Variants in MTHFD2L observed in about 807,000 individuals in gnomAD.
The protein encoded by MTHFD2L is bifunctional methylenetetrahydrofolate dehydrogenase/cyclohydrolase 2, mitochondrial.
In MTHFD2L, 29 loss-of-function variants were observed where a neutral mutation model predicts 34.9. That is an observed-to-expected ratio of 0.83 (90% CI 0.62 to 1.13). The LOEUF is 1.13. MTHFD2L is among the 50% of genes most tolerant of loss of function. MTHFD2L has a pLI of 0.00. For synonymous variants in MTHFD2L, 167 were observed against 155.7 expected (o/e 1.07, Z -0.54); for missense variants, 481 against 446.5 (o/e 1.08, Z -0.70).
chr4:74,301,533 G>A lies in MTHFD2L; in HGVS notation c.932-164G>A, dbSNP rs569177931. ...AGTATTCGTCTAAGTGAGTGTGAGC[G>A]TGTGTGTGTGTGTGTGTGTGTGTGT... On this transcript the variant is annotated intron_variant, in intron 7 of 7. Coordinates refer to ENST00000325278, the MANE Select transcript of MTHFD2L (RefSeq NM_001144978.3). Among the ~76,000 whole-genome samples, 81 of 112,324 alleles carry A rather than the reference G, an allele frequency of 7.2e-4. No homozygotes were observed. In the Middle Eastern group the frequency reaches 0.012, roughly 17 times the overall value. The allele number at this position is 112,324 out of a possible 152,430, so 73.7% of individuals were successfully genotyped here.
At chr4:74,272,992 T>A (rs1188935352) in intron 6 of MTHFD2L, among the ~76,000 whole-genome samples, 1 of 152,178 alleles carries the variant, frequency 6.6e-6, no homozygotes, top group Non-Finnish European at 1.5e-5. Flanking sequence ...AATCTACAGC[T>A]TGCAAAATCC....
chr4:74,164,686 A>T (rs1443909339), intron 1 of MTHFD2L, among the ~76,000 whole-genome samples: 1 of 152,218 alleles, frequency 6.6e-6, no homozygotes, highest in Non-Finnish European at 1.5e-5. Context: ...CCGTTGAGAG[A>T]AGCTAAGTGA....
At chr4:74,267,949 G>T in intron 6 of MTHFD2L, 3 of 985,202 alleles carry the variant, frequency 3.0e-6, no homozygotes, top group Non-Finnish European at 3.6e-6. Context: ...GCACCATCCT[G>T]GTACCACAAG....
rs999098839 is a variant in MTHFD2L, at chr4:74,152,177, T to C, written c.-296-7878T>C. On this transcript the variant is annotated intron_variant, in intron 1 of 7. Transcript: ENST00000433372. Reference sequence around the variant, plus strand: ...TATATTGTTCAATAGTTTTCTTTTTTTGTATTCTTTTAAATTGGGTTTGAA... The same window carrying C: ...TATATTGTTCAATAGTTTTCTTTTTCTGTATTCTTTTAAATTGGGTTTGAA... Among the ~76,000 whole-genome samples the C allele has an allele frequency of 7.2e-5, 11 of 152,070 alleles. 1 individual carries two copies. Among genetic ancestry groups the C allele is most frequent in the Admixed American group, 6.5e-4 (10 of 15,270 alleles).
intron 6 of MTHFD2L, among the ~76,000 whole-genome samples, chr4:74,228,923 A>T (rs1188915018): frequency 6.6e-6 from 1 of 152,176 alleles, no homozygotes; most frequent in Non-Finnish European, 1.5e-5. Context: ...CAGCTACTTC[A>T]GATGTAGCCA....
In MTHFD2L at chr4:74,276,217, T is replaced by G. The variant is rs559785349; in HGVS notation, c.806-5208T>G. On this transcript the variant is annotated intron_variant, in intron 6 of 7. Coordinates refer to ENST00000325278, the MANE Select transcript of MTHFD2L (RefSeq NM_001144978.3). ...TACTGAAACATCAAAAGATTTGATA[T>G]TCATTAAATGAGTTTTTCTTAAGTT... Among the ~76,000 whole-genome samples, 4 of 152,300 alleles carry G rather than the reference T, an allele frequency of 2.6e-5. No homozygotes were observed. The South Asian group carries it at 8.3e-4, about 32-fold the overall frequency.
intron 3 of MTHFD2L, among the ~76,000 whole-genome samples, chr4:74,178,318 CAT>C (rs1052245562): frequency 6.6e-6 from 1 of 152,070 alleles, no homozygotes; most frequent in Non-Finnish European, 1.5e-5. Context: ...GTACACCACA[CAT>C]ATCTACAAAT....
At chr4:74,123,789 C>A (rs151201517), upstream of MTHFD2L, among the ~76,000 whole-genome samples, 1 of 152,040 alleles carries the variant, frequency 6.6e-6, no homozygotes, top group East Asian at 1.9e-4. Context: ...GTTTTTCTTC[C>A]GACTTTAAAG....
intron 1 of MTHFD2L, among the ~76,000 whole-genome samples, chr4:74,128,095 T>A (rs537168825): frequency 6.6e-6 from 1 of 152,232 alleles, no homozygotes; most frequent in Admixed American, 6.5e-5. Flanking sequence ...AAAATCAGAT[T>A]ATTTTGTTTT....
At chr4:74,148,498 C>T (rs1482951627) in intron 1 of MTHFD2L, among the ~76,000 whole-genome samples, 2 of 151,882 alleles carry the variant, frequency 1.3e-5, no homozygotes, top group African/African-American at 4.8e-5. Context: ...AGTGATTCTC[C>T]TGTCTCAGTC....
intron 1 of MTHFD2L, among the ~76,000 whole-genome samples, chr4:74,168,170 A>G (rs540241218): frequency 1.3e-5 from 2 of 152,330 alleles, no homozygotes; most frequent in South Asian, 4.1e-4. Flanking sequence ...TTCGTGTCTC[A>G]CAGTAAAAGC....
chr4:74,189,895 G>A (rs1482617719), intron 3 of MTHFD2L, among the ~76,000 whole-genome samples: 1 of 151,932 alleles, frequency 6.6e-6, no homozygotes, highest in Non-Finnish European at 1.5e-5. Context: ...ATATTTCTCT[G>A]TGGAAAGTAT....
At chr4:74,250,522 C>A (rs1282024236) in intron 6 of MTHFD2L, among the ~76,000 whole-genome samples, 3 of 152,158 alleles carry the variant, frequency 2.0e-5, no homozygotes, top group Admixed American at 1.3e-4. Context: ...TACTATACCA[C>A]CTAGCACATA....
intron 7 of MTHFD2L, among the ~76,000 whole-genome samples, chr4:74,297,905 A>C (rs1435867478): frequency 6.6e-6 from 1 of 152,134 alleles, no homozygotes; most frequent in African/African-American, 2.4e-5. Flanking sequence ...ATCTGTATCC[A>C]CTGGCACTTG....
chr4:74,252,042 T>A (rs886185019), intron 6 of MTHFD2L, among the ~76,000 whole-genome samples: 1 of 152,112 alleles, frequency 6.6e-6, no homozygotes, highest in Admixed American at 6.5e-5. Flanking sequence ...CCCACACAAG[T>A]TGGGCATATA....
At chr4:74,133,593 A>G (rs552357207) in intron 1 of MTHFD2L, among the ~76,000 whole-genome samples, 1 of 151,990 alleles carries the variant, frequency 6.6e-6, no homozygotes, top group South Asian at 2.1e-4. Flanking sequence ...CCATTCTGTT[A>G]TTGAGATCCT....
At chr4:74,281,400 G>A (rs764025185) in intron 6 of MTHFD2L, 25 bp from the exon 7 acceptor site, 5 of 1,604,932 alleles carry the variant, frequency 3.1e-6, no homozygotes, top group African/African-American at 2.7e-5. Context: ...TATGCTGAAG[G>A]ACAAACAACT....
intron 1 of MTHFD2L, among the ~76,000 whole-genome samples, chr4:74,126,661 C>T (rs115787198): frequency 0.018 from 2,701 of 152,070 alleles, 77 homozygotes; most frequent in African/African-American, 0.061. Context: ...AAGAAGCACC[C>T]CCTACCAGTA....
chr4:74,234,905 C>T (rs1367138919), intron 6 of MTHFD2L, among the ~76,000 whole-genome samples: 1 of 151,938 alleles, frequency 6.6e-6, no homozygotes, highest in Non-Finnish European at 1.5e-5. Flanking sequence ...AGCTCTTTTC[C>T]TCTGACTCTG....
Sources: gnomAD v4.1 joint callset for allele counts (sites outside exome capture counted in the v4.1 genomes callset) on GRCh38, gnomAD v4.1.1 for gene constraint, MANE v1.5 for transcripts, NCBI Gene and HGNC (gene_info 2026-07-23, HGNC 2026-07-21) for gene names.